CISH: variants seen among roughly 807,000 people sequenced by gnomAD.
CISH encodes the protein cytokine inducible SH2 containing protein.
A neutral mutation model predicts 21.3 loss-of-function variants in CISH; 11 were observed. The ratio of observed to expected loss-of-function variants is 0.52; its 90% CI spans 0.32 to 0.85. CISH has a LOEUF of 0.85. Ranked by LOEUF, CISH falls within the 40% of genes least tolerant of loss-of-function variation. The probability of loss-of-function intolerance (pLI) is 0.03; values close to 1 mark genes in which losing one functional copy is unlikely to be tolerated. For synonymous variants in CISH, 118 were observed against 142.3 expected, an observed-to-expected ratio of 0.83 and a Z score of 1.22; for missense variants, 280 against 351.7, an observed-to-expected ratio of 0.80 and a Z score of 1.63.
rs377401159 is a variant in CISH, at chr3:50,608,064, C to G, written c.320G>C (p.Arg107Pro). The change falls in exon 3 of 3, where the codon CGT (arginine) becomes CCT (proline). Residue 107 changes from arginine (R) to proline (P), a missense_variant. Physicochemically the swap from Arg to Pro is moderately radical, Grantham distance 103. Coordinates refer to ENST00000348721, the MANE Select transcript of CISH (RefSeq NM_145071.4). ...CAGGTAGCTGGGGTGCGTGCTGTCA[C>G]GTACTAAGAACGTGCCTTCTGGCAT... ...QKMPEGTFLV[R>P]DSTHPSYLFT... 1.5e-5 allele frequency: 24 copies of G among 1,613,722 alleles called. No individual in the cohort carries two copies. The highest frequency in any genetic ancestry group is 1.9e-5 in the Non-Finnish European group (22 of 1,179,906).
rs1336621874 is a variant in CISH, at chr3:50,607,753, C to A, written c.631G>T (p.Val211Leu). The change falls in exon 3 of 3, where the codon GTG becomes TTG. Residue 211 changes from valine (V) to leucine (L), a missense_variant. Transcript: ENST00000348721. Reference protein sequence around the residue: ...PPATAVHLKLVQPFVRRSSAR... With the variant: ...PPATAVHLKLLQPFVRRSSAR... ...CTGCTTCTGCGTACAAAGGGCTGCACCAGTTTTAGGTGTACAGCAGTGGCT... is the reference window on the plus strand; with the variant it reads ...CTGCTTCTGCGTACAAAGGGCTGCAACAGTTTTAGGTGTACAGCAGTGGCT... 1.9e-6 allele frequency: 3 copies of A among 1,613,826 alleles called. No individual in the cohort carries two copies. The highest frequency in any genetic ancestry group is 2.2e-5 in the East Asian group (1 of 44,898).
In CISH at chr3:50,608,356, T is replaced by A. The variant is rs775575395; in HGVS notation, c.241+17A>T. 1.9e-6 allele frequency: 3 copies of A among 1,576,958 alleles called. No homozygotes were observed. On this transcript the variant is annotated intron_variant, in intron 2 of 2. Coordinates refer to ENST00000348721, the MANE Select transcript of CISH (RefSeq NM_145071.4). ...CAGACTACTCAGGAAAAGGCCTGCC[T>A]CCCCCCTCAGACTCACCAGATTCCC...
At chr3:50,610,071 C>T in intron 1 of CISH, 1 of 430,834 alleles carries the variant, frequency 2.3e-6, no homozygotes. Flanking sequence ...CTCTGGCACA[C>T]CACAGCCTGA....
At chr3:50,611,157 C>T (rs2032312596) in intron 1 of CISH, 1 of 1,000,064 alleles carries the variant, frequency 1.0e-6, no homozygotes, top group Non-Finnish European at 1.2e-6. Context: ...CAAGGATCTG[C>T]GGCTGGCTTC....
chr3:50,611,159 G>C, intron 1 of CISH: 1 of 1,001,110 alleles, frequency 1.0e-6, no homozygotes. Flanking sequence ...AGGATCTGCG[G>C]CTGGCTTCCC....
At chr3:50,609,999 A>C (rs1019815321) in intron 1 of CISH, 1 of 238,334 alleles carries the variant, frequency 4.2e-6, no homozygotes, top group Non-Finnish European at 8.5e-6. Flanking sequence ...GTTATAGGTG[A>C]CCCTCTAGGT....
At chr3:50,610,240 T>G in intron 1 of CISH, 1 of 1,001,588 alleles carries the variant, frequency 1.0e-6, no homozygotes, top group Non-Finnish European at 1.5e-6. Flanking sequence ...GGAACCTCTG[T>G]GGGTGGCCAC....
Position 50,607,638 on chromosome 3 carries a change from T to C in CISH, c.746A>G (p.Asp249Gly). ...DCLPLPRRMADYLRQYPFQL is the reference protein window; with the variant it reads ...DCLPLPRRMAGYLRQYPFQL ...CTGGAAGGGGTACTGTCGGAGGTAG[T>C]CGGCCATGCGCCGGGGCAGTGGCAG... The change falls in exon 3 of 3, where the codon GAC (aspartate) becomes GGC (glycine). Residue 249 changes from aspartate (D) to glycine (G), a missense_variant. Transcript: ENST00000348721. The C allele has an allele frequency of 6.2e-7, 1 of 1,613,340 alleles. No homozygotes were observed. The highest frequency in any genetic ancestry group is 2.2e-5 in the East Asian group (1 of 44,878).
rs750557678 is a variant in CISH, at chr3:50,608,017, T to C, written c.367A>G (p.Thr123Ala). The change falls in exon 3 of 3, where the codon ACT (threonine) becomes GCT (alanine). Residue 123 changes from threonine (T) to alanine (A), a missense_variant. By Grantham distance (58) the Thr-to-Ala change is moderately conservative. Coordinates refer to ENST00000348721, the MANE Select transcript of CISH (RefSeq NM_145071.4). ...SYLFTLSVKT[T>A]RGPTNVRIEY... ...ATGCGTACATTGGTGGGGCCACGAG[T>C]GGTTTTCACTGACAGCGTGAACAGG... The C allele has an allele frequency of 3.7e-6, 6 of 1,613,570 alleles. No homozygotes were observed. In the Admixed American group the frequency reaches 6.7e-5, roughly 18 times the overall value.
Position 50,611,415 on chromosome 3 carries a change from C to G in CISH, c.20+216G>C, listed in dbSNP as rs1220023937. On this transcript the variant is annotated intron_variant, in intron 1 of 2. Coordinates refer to ENST00000348721, the MANE Select transcript of CISH (RefSeq NM_145071.4). The stretch of plus-strand genomic sequence containing the variant: ...AGTTCCTCCTTTAGCCGGCCAGCCC[C>G]CGGTTTCCCAATCCACAGTGGGAAT... 5.1e-6 allele frequency: 7 copies of G among 1,361,348 alleles called. No homozygotes were observed. In the African/African-American group the frequency reaches 1.1e-4, roughly 21 times the overall value. 84.3% of individuals were successfully genotyped at this position (1,361,348 alleles called of 1,614,324 possible).
intron 1 of CISH, chr3:50,610,485 C>T: frequency 1.3e-6 from 2 of 1,551,170 alleles, no homozygotes; most frequent in Non-Finnish European, 1.7e-6. Context: ...AAACTTTGTT[C>T]CCTGACACCC....
rs1470318993 is a variant in CISH, at chr3:50,611,179, C to T, written c.20+452G>A. 6.9e-6 allele frequency: 7 copies of T among 1,009,196 alleles called. No homozygotes were observed. The African/African-American group carries it at 1.2e-4, about 17-fold the overall frequency. The allele number at this position is 1,009,196 out of a possible 1,614,324, so 62.5% of individuals were successfully genotyped here. On this transcript the variant is annotated intron_variant, in intron 1 of 2. Coordinates refer to ENST00000348721, the MANE Select transcript of CISH (RefSeq NM_145071.4). ...CTGCGGCTGGCTTCCCAAGAAGAGC[C>T]TACTTGCTAGCCTGGGGCAGGAGAG...
At chr3:50,610,555 TG>T in intron 1 of CISH, 1 of 1,518,352 alleles carries the variant, frequency 6.6e-7, no homozygotes, top group Non-Finnish European at 8.9e-7. Context: ...AAAGAGGCTA[TG>T]GGACCCCGGA....
chr3:50,611,312 G>T (rs1444323543), intron 1 of CISH: 1 of 1,301,364 alleles, frequency 7.7e-7, no homozygotes, highest in Non-Finnish European at 9.7e-7. Context: ...ATCTGGGATT[G>T]TTGGCCACAT....
chr3:50,611,581 C>T (rs775044651), intron 1 of CISH, 50 bp downstream of exon 1: 20 of 1,524,394 alleles, frequency 1.3e-5, no homozygotes, highest in Non-Finnish European at 1.7e-5. Context: ...CCCCTGTTCT[C>T]CCGTGCGCCC....
rs532103695 is a variant in CISH, at chr3:50,610,535, G to A, written c.20+1096C>T. The A allele has an allele frequency of 3.7e-4, 575 of 1,539,434 alleles. 1 individual carries two copies. The African/African-American group carries it at 7.2e-3, about 19-fold the overall frequency. On this transcript the variant is annotated intron_variant, in intron 1 of 2. Transcript: ENST00000348721. ...GCTTACAAGGGGGTGCTCACCTAGG[G>A]TAAAAAGTGAAAGAGGCTATGGGAC...
In CISH at chr3:50,607,660, G is replaced by A. The variant is rs1190049671; in HGVS notation, c.724C>T (p.Pro242Ser). 6.2e-7 allele frequency: 1 copy of A among 1,613,630 alleles called. No individual in the cohort carries two copies. The highest frequency in any genetic ancestry group is 8.5e-7 in the Non-Finnish European group (1 of 1,179,956). ...TAGTCGGCCATGCGCCGGGGCAGTG[G>A]CAGGCAGTCCACGTCGGCCACCAGA... ...NRLVADVDCL[P>S]LPRRMADYLR... Residue 242 changes from proline (P) to serine (S), a missense_variant, in exon 3 of 3, where the codon CCA (proline) becomes TCA (serine). Transcript: ENST00000348721.
In CISH at chr3:50,607,681, C is replaced by G. The variant is rs2107558075; in HGVS notation, c.703G>C (p.Val235Leu). Reference sequence around the variant, plus strand: ...AGTGGCAGGCAGTCCACGTCGGCCACCAGACGGTTGATGACAAGGCGGCAC... The same window carrying G: ...AGTGGCAGGCAGTCCACGTCGGCCAGCAGACGGTTGATGACAAGGCGGCAC... ...HLCRLVINRL[V>L]ADVDCLPLPR... The change falls in exon 3 of 3, where the codon GTG (valine) becomes CTG (leucine). Residue 235 changes from valine to leucine, a missense_variant. By Grantham distance (32) the Val-to-Leu change is conservative. Transcript: ENST00000348721. 2 of 1,613,708 alleles carry G rather than the reference C, an allele frequency of 1.2e-6. No individual in the cohort carries two copies. Among genetic ancestry groups the G allele is most frequent in the Non-Finnish European group, 1.7e-6 (2 of 1,179,960 alleles).
chr3:50,610,000 C>A (rs762799248), intron 1 of CISH: 4 of 242,054 alleles, frequency 1.7e-5, no homozygotes, highest in Non-Finnish European at 3.3e-5. Flanking sequence ...TTATAGGTGA[C>A]CCTCTAGGTT....
Sources: gnomAD v4.1 joint callset for allele counts on GRCh38, gnomAD v4.1.1 for gene constraint, MANE v1.5 for transcripts, NCBI Gene and HGNC (gene_info 2026-07-23, HGNC 2026-07-21) for gene names.